Variants in SSPN observed in about 807,000 individuals in gnomAD.
SSPN encodes the protein K-ras oncogene-associated protein.
Under a neutral mutation model 19.1 loss-of-function variants are expected in SSPN, and 15 were observed. That is an observed-to-expected ratio of 0.78 (90% confidence interval 0.52 to 1.21). SSPN has a LOEUF of 1.21. SSPN is among the 50% of genes most tolerant of loss of function. The pLI, the probability that SSPN is intolerant of heterozygous loss-of-function variation, is 0.00. For synonymous variants in SSPN, 147 were observed against 140.3 expected (o/e 1.05, Z -0.34); for missense variants, 291 against 314.0 (o/e 0.93, Z 0.55).
chr12:26,124,543 C>G, intron 1 of SSPN: 1 of 1,614,116 alleles, frequency 6.2e-7, no homozygotes, highest in South Asian at 1.1e-5. Context: ...GTTTCATGCT[C>G]CTTTTGGGTT....
intron 1 of SSPN, among the ~76,000 whole-genome samples, chr12:26,148,749 C>T (rs766116571): frequency 6.6e-6 from 1 of 152,110 alleles, no homozygotes; most frequent in Non-Finnish European, 1.5e-5. Context: ...AGTTGTGCTT[C>T]TAGGTGACAT....
chr12:26,150,178 T>C (rs988928723), intron 1 of SSPN, among the ~76,000 whole-genome samples: 3 of 152,168 alleles, frequency 2.0e-5, no homozygotes, highest in Non-Finnish European at 4.4e-5. Context: ...AGGAAGCACT[T>C]TGGAGAAAGC....
chr12:26,195,648 CCCA>C lies in SSPN; in HGVS notation c.-22_-20del. 1.9e-6 allele frequency: 1 copy of C among 513,844 alleles called. No homozygotes were observed. 31.8% of individuals were successfully genotyped at this position (513,844 alleles called of 1,614,324 possible). A position where few individuals can be genotyped will look rare whatever the true frequency, so the allele number is the denominator to read the frequency against. On this transcript the variant is annotated 5_prime_UTR_variant, in exon 1 of 3. Transcript: ENST00000242729. ...GCCCAGGGCGCCGCACACGCACCCA[CCCA>C]CCCACCCAGCCTCGCAGCGCCATGG...
At chr12:26,190,983 C>A (rs181361799), upstream of SSPN, among the ~76,000 whole-genome samples, 2 of 152,302 alleles carry the variant, frequency 1.3e-5, no homozygotes, top group East Asian at 3.9e-4. Flanking sequence ...CCTTCTAAAA[C>A]TTTTATACAA....
intron 1 of SSPN, among the ~76,000 whole-genome samples, chr12:26,206,619 C>T (rs375534444): frequency 2.2e-4 from 34 of 152,078 alleles, no homozygotes; most frequent in African/African-American, 7.2e-4. Flanking sequence ...ACTATACCAC[C>T]GGAGTAGGCT....
At chr12:26,170,505 A>G (rs1044268788) in intron 1 of SSPN, among the ~76,000 whole-genome samples, 28 of 152,232 alleles carry the variant, frequency 1.8e-4, no homozygotes, top group African/African-American at 6.5e-4. Flanking sequence ...CTGAGATCCA[A>G]ACAATTGGAT....
chr12:26,229,898 G>A lies in SSPN; in HGVS notation c.367-813G>A, dbSNP rs565100324. 5.3e-5 allele frequency among the ~76,000 whole-genome samples: 8 copies of A among 152,332 alleles called. No homozygotes were observed. In the East Asian group the frequency reaches 1.3e-3, roughly 26 times the overall value. On this transcript the variant is annotated intron_variant, in intron 2 of 2. Coordinates refer to ENST00000242729, the MANE Select transcript of SSPN (RefSeq NM_005086.5). ...AAGTTTTGCTCAGAATATTTTAGGT[G>A]TAAGCTAAATCCCTAAATTGTTCAG...
At position 26,231,207 on chromosome 12, in the gene SSPN, T is replaced by C; in HGVS notation, c.*131T>C. On this transcript the variant is annotated 3_prime_UTR_variant, in exon 3 of 3. Coordinates refer to ENST00000242729, the MANE Select transcript of SSPN (RefSeq NM_005086.5). ...TCACTCTTCTAATTGAATATTTTTA[T>C]ATTTTTATGAAACAAAAGAGCATTT... 7.9e-7 allele frequency: 1 copy of C among 1,271,174 alleles called. No homozygotes were observed. The highest frequency in any genetic ancestry group is 1.9e-5 in the South Asian group (1 of 53,592). 78.7% of individuals were successfully genotyped at this position (1,271,174 alleles called of 1,614,324 possible).
intron 1 of SSPN, among the ~76,000 whole-genome samples, chr12:26,126,945 A>G (rs1944370062): frequency 6.6e-6 from 1 of 152,176 alleles, no homozygotes; most frequent in African/African-American, 2.4e-5. Context: ...TATTTCCAAA[A>G]GGTTAGGTAA....
chr12:26,178,765 G>A (rs1944700457), intron 1 of SSPN, among the ~76,000 whole-genome samples: 1 of 152,138 alleles, frequency 6.6e-6, no homozygotes, highest in Non-Finnish European at 1.5e-5. Flanking sequence ...TCTGGCCCCT[G>A]GTCTGTTCCC....
intron 1 of SSPN, among the ~76,000 whole-genome samples, chr12:26,137,607 T>TATAC (rs1339385774): frequency 7.1e-6 from 1 of 140,448 alleles, no homozygotes; most frequent in African/African-American, 2.7e-5. Context: ...TATATACACA[T>TATAC]ATACATATAT....
chr12:26,140,688 G>A (rs573168154), intron 1 of SSPN, among the ~76,000 whole-genome samples: 20 of 152,198 alleles, frequency 1.3e-4, no homozygotes, highest in East Asian at 3.9e-4. Context: ...CTCCTGCTAC[G>A]GCCATGTAGG....
rs59727119 is a variant in SSPN at position 26,201,046 on chromosome 12, T to TATATAATATATATATATATATATAAAA, written c.279+5095_279+5096insATATAATATATATATATATATATAAAA. Among the ~76,000 whole-genome samples the TATATAATATATATATATATATATAAAA allele has an allele frequency of 6.9e-3, 534 of 77,192 alleles. 5 individuals are homozygous for TATATAATATATATATATATATATAAAA. Among genetic ancestry groups the TATATAATATATATATATATATATAAAA allele is most frequent in the South Asian group, 0.01 (21 of 2,034 alleles). 50.6% of individuals were successfully genotyped at this position (77,192 alleles called of 152,430 possible). On this transcript the variant is annotated intron_variant, in intron 1 of 2. Coordinates refer to ENST00000242729, the MANE Select transcript of SSPN (RefSeq NM_005086.5). ...ATATATATATATATATATATATATA[T>TATATAATATATATATATATATATAAAA]TATATATATATATTTGGAAATAAAA...
chr12:26,215,851 A>G (rs925787884), intron 1 of SSPN, among the ~76,000 whole-genome samples: 7 of 152,228 alleles, frequency 4.6e-5, no homozygotes, highest in Non-Finnish European at 2.9e-5. Context: ...TTCTCCCCCA[A>G]TTTGAAGGAC....
intron 1 of SSPN, among the ~76,000 whole-genome samples, chr12:26,187,117 A>G (rs934366921): frequency 6.6e-6 from 1 of 152,204 alleles, no homozygotes; most frequent in African/African-American, 2.4e-5. Flanking sequence ...TCCTTGTCTC[A>G]TGCCTAGTGG....
In SSPN at chr12:26,122,137, G is replaced by A. The variant is rs896233032; in HGVS notation, c.-46G>A. 2.3e-5 allele frequency: 36 copies of A among 1,548,740 alleles called. No homozygotes were observed. The Middle Eastern group carries it at 6.8e-4, about 29-fold the overall frequency. On this transcript the variant is annotated 5_prime_UTR_variant, in exon 1 of 3. Transcript: ENST00000538142. ...CTCTCCGGGTTCCCCGGCTCGCGGG[G>A]CCCGGCGAAGGGCAGGTGGGTGCGG...
intron 1 of SSPN, chr12:26,125,061 G>C: frequency 2.0e-6 from 1 of 504,970 alleles, no homozygotes; most frequent in South Asian, 2.0e-5. Flanking sequence ...CGCGTCGCCG[G>C]CCAGACCAGC....
At chr12:26,131,237 C>T (rs1944395859) in intron 1 of SSPN, among the ~76,000 whole-genome samples, 1 of 152,226 alleles carries the variant, frequency 6.6e-6, no homozygotes, top group East Asian at 1.9e-4. Flanking sequence ...TAACTAACTC[C>T]TTAAGCACAT....
At chr12:26,144,004 C>G (rs997331136) in intron 1 of SSPN, among the ~76,000 whole-genome samples, 1 of 152,218 alleles carries the variant, frequency 6.6e-6, no homozygotes, top group Admixed American at 6.5e-5. Flanking sequence ...AAAACAAGCT[C>G]AGGTCTCCCA....
Sources: allele counts gnomAD v4.1 joint callset (sites outside exome capture counted in the v4.1 genomes callset), GRCh38; gene constraint gnomAD v4.1.1; transcripts MANE v1.5; gene names NCBI Gene and HGNC (gene_info 2026-07-23, HGNC 2026-07-21).